TIAM1: variants seen among roughly 807,000 people sequenced by gnomAD.
The protein encoded by TIAM1 is TIAM Rac1 associated GEF 1, also known as rho guanine nucleotide exchange factor TIAM1.
In TIAM1, 65 loss-of-function variants were observed where a neutral mutation model predicts 163.5. That is an observed-to-expected ratio of 0.40 (90% CI 0.33 to 0.49). The LOEUF is 0.49. Ranked by LOEUF, TIAM1 falls within the 20% of genes least tolerant of loss-of-function variation. TIAM1 has a pLI of 0.77. For missense variants in TIAM1, 1,789 were observed against 2,044.7 expected (o/e 0.87, Z 2.41); for synonymous variants, 833 against 810.1 (o/e 1.03, Z -0.48).
chr21:31,343,458 G>A (rs763520529), intron 1 of TIAM1, among the ~76,000 whole-genome samples: 1 of 152,072 alleles, frequency 6.6e-6, no homozygotes, highest in Non-Finnish European at 1.5e-5. Flanking sequence ...CGATCCAAAG[G>A]TAAGCTAGCT....
At chr21:31,398,659 A>G (rs1192075570) in intron 2 of TIAM1, among the ~76,000 whole-genome samples, 4 of 152,254 alleles carry the variant, frequency 2.6e-5, no homozygotes, top group Non-Finnish European at 5.9e-5. Flanking sequence ...GTGCTCCCTC[A>G]GTAAAGGAGA....
intron 2 of TIAM1, among the ~76,000 whole-genome samples, chr21:31,427,891 G>A (rs1249341882): frequency 2.6e-5 from 4 of 151,976 alleles, no homozygotes; most frequent in Non-Finnish European, 5.9e-5. Context: ...TGTAGAAAGG[G>A]AACGAAAAAC....
chr21:31,303,342 A>G (rs953677155), intron 2 of TIAM1, among the ~76,000 whole-genome samples: 2 of 152,150 alleles, frequency 1.3e-5, no homozygotes, highest in Non-Finnish European at 2.9e-5. Context: ...CACACAAAGA[A>G]TCAGCATTAA....
chr21:31,401,252 C>G (rs2077159822), intron 2 of TIAM1, among the ~76,000 whole-genome samples: 1 of 152,116 alleles, frequency 6.6e-6, no homozygotes, highest in South Asian at 2.1e-4. Flanking sequence ...TTGGTGATGT[C>G]ATGTATCCAA....
At chr21:31,409,643 C>T (rs968453703) in intron 2 of TIAM1, among the ~76,000 whole-genome samples, 9 of 152,214 alleles carry the variant, frequency 5.9e-5, no homozygotes, top group Non-Finnish European at 8.8e-5. Context: ...GCACCACAGG[C>T]CCGCTTCCCT....
intron 2 of TIAM1, among the ~76,000 whole-genome samples, chr21:31,407,566 AG>A (rs1416246686): frequency 6.6e-6 from 1 of 151,632 alleles, no homozygotes; most frequent in Non-Finnish European, 1.5e-5. Flanking sequence ...CATCGGGAGC[AG>A]GCTCCAGTTC....
At chr21:31,550,248 A>G (rs1437896125) in intron 1 of TIAM1, among the ~76,000 whole-genome samples, 1 of 152,254 alleles carries the variant, frequency 6.6e-6, no homozygotes, top group Non-Finnish European at 1.5e-5. Context: ...CTATCAACTG[A>G]TACATGGATA....
intron 2 of TIAM1, among the ~76,000 whole-genome samples, chr21:31,312,094 C>T (rs891104145): frequency 6.6e-6 from 1 of 152,206 alleles, no homozygotes; most frequent in Non-Finnish European, 1.5e-5. Context: ...GAAGGATGCA[C>T]TGTTGGCTTC....
At chr21:31,544,243 A>G (rs2048414089) in intron 1 of TIAM1, among the ~76,000 whole-genome samples, 1 of 149,388 alleles carries the variant, frequency 6.7e-6, no homozygotes, top group South Asian at 2.1e-4. Context: ...AAAATAGGCC[A>G]CTTGTGGTGG....
chr21:31,150,510 T>C (rs2083325369), intron 19 of TIAM1, among the ~76,000 whole-genome samples: 2 of 152,130 alleles, frequency 1.3e-5, no homozygotes, highest in South Asian at 4.1e-4. Context: ...CAAACAGGAT[T>C]AGAAAAATTG....
At chr21:31,546,081 A>C (rs1045306946) in intron 1 of TIAM1, among the ~76,000 whole-genome samples, 1 of 151,954 alleles carries the variant, frequency 6.6e-6, no homozygotes, top group Non-Finnish European at 1.5e-5. Flanking sequence ...TTTAAAAAAA[A>C]TTTTTAATAA....
At chr21:31,162,693 G>A (rs969032668) in intron 16 of TIAM1, among the ~76,000 whole-genome samples, 13 of 149,552 alleles carry the variant, frequency 8.7e-5, no homozygotes, top group Non-Finnish European at 7.4e-5. Context: ...CCAGGCTGGA[G>A]TGCAGTGGCG....
chr21:31,465,938 C>A (rs1325539460), intron 1 of TIAM1, among the ~76,000 whole-genome samples: 1 of 152,146 alleles, frequency 6.6e-6, no homozygotes, highest in Non-Finnish European at 1.5e-5. Context: ...GATCTCCTGA[C>A]CTTGTGATCC....
intron 1 of TIAM1, among the ~76,000 whole-genome samples, chr21:31,545,815 T>A (rs2048467154): frequency 6.6e-6 from 1 of 152,212 alleles, no homozygotes; most frequent in Non-Finnish European, 1.5e-5. Flanking sequence ...CCAAGGTCCT[T>A]GTTGTTAAGA....
chr21:31,538,726 T>C (rs2048219979), intron 1 of TIAM1, among the ~76,000 whole-genome samples: 1 of 152,194 alleles, frequency 6.6e-6, no homozygotes, highest in South Asian at 2.1e-4. Flanking sequence ...GCTGCCTTGG[T>C]TTCGAAAGAG....
intron 2 of TIAM1, among the ~76,000 whole-genome samples, chr21:31,326,921 C>T (rs773313417): frequency 6.6e-5 from 10 of 152,184 alleles, no homozygotes; most frequent in Non-Finnish European, 1.3e-4. Flanking sequence ...GTTTACCACA[C>T]GCCACTTAAA....
At chr21:31,373,592 G>C (rs1311983183) in intron 2 of TIAM1, among the ~76,000 whole-genome samples, 3 of 152,268 alleles carry the variant, frequency 2.0e-5, no homozygotes, top group South Asian at 4.2e-4. Flanking sequence ...GGCAGGTACT[G>C]TGCAAAGCAC....
Position 31,474,648 on chromosome 21 carries a change from C to T in TIAM1, c.-421-10613G>A, listed in dbSNP as rs554442349. ...GCAACCTCCGCCTCCCGGGTTCAAG[C>T]GATTCTCCTGCCTCAGCCTCCCGAG... On this transcript the variant is annotated intron_variant, in intron 1 of 28. Transcript: ENST00000286827. Among the ~76,000 whole-genome samples, 952 of 151,592 alleles carry T rather than the reference C, an allele frequency of 6.3e-3. 7 individuals carry two copies. The highest frequency in any genetic ancestry group is 0.014 in the Middle Eastern group (4 of 294).
At chr21:31,309,987 T>G (rs1389417978) in intron 2 of TIAM1, among the ~76,000 whole-genome samples, 3 of 152,242 alleles carry the variant, frequency 2.0e-5, no homozygotes, top group African/African-American at 4.8e-5. Flanking sequence ...AGCTACCAAG[T>G]GAAGTAAATT....
Sources: gnomAD v4.1 joint callset for allele counts (sites outside exome capture counted in the v4.1 genomes callset) on GRCh38, gnomAD v4.1.1 for gene constraint, MANE v1.5 for transcripts, NCBI Gene and HGNC (gene_info 2026-07-23, HGNC 2026-07-21) for gene names.